Variants in SPATA1 observed in about 807,000 individuals in gnomAD.
SPATA1 encodes spermatogenesis-associated protein 1.
SPATA1 carries 57 observed loss-of-function variants against 59.6 expected under a neutral mutation model. The ratio of observed to expected loss-of-function variants is 0.96; its 90% CI spans 0.77 to 1.19. SPATA1 has a LOEUF of 1.19. SPATA1 is among the 50% of genes most tolerant of loss of function. SPATA1 has a pLI of 0.00. For synonymous variants in SPATA1, 147 were observed against 163.9 expected, an observed-to-expected ratio of 0.90 and a Z score of 0.79; for missense variants, 448 against 480.7, an observed-to-expected ratio of 0.93 and a Z score of 0.64.
At chr1:84,548,749 C>CCT (rs767447873) in intron 10 of SPATA1, 37 bp from the exon 11 acceptor site, 12 of 994,910 alleles carry the variant, frequency 1.2e-5, no homozygotes, top group Non-Finnish European at 1.5e-5. Flanking sequence ...GAAGGCCTTT[C>CCT]CTTTTTTTTT....
downstream of SPATA1, among the ~76,000 whole-genome samples, chr1:84,557,546 A>AG (rs1441099734): frequency 9.3e-4 from 127 of 137,066 alleles, no homozygotes; most frequent in African/African-American, 4.0e-3. Flanking sequence ...AAAAAAAAAA[A>AG]AAAAAAAGAA....
intron 7 of SPATA1, 72 bp from the exon 8 acceptor site, chr1:84,533,637 A>C: frequency 1.7e-6 from 2 of 1,195,218 alleles, no homozygotes; most frequent in Admixed American, 4.5e-5. Flanking sequence ...CAAATAAAAT[A>C]CATAAAATAT....
chr1:84,512,718 CCTT>C (rs1682625771), intron 1 of SPATA1, among the ~76,000 whole-genome samples: 1 of 152,206 alleles, frequency 6.6e-6, no homozygotes, highest in South Asian at 2.1e-4. Context: ...AACAGTTACT[CCTT>C]CTCAAACCCA....
At chr1:84,509,897 C>A (rs1206820389) in intron 1 of SPATA1, among the ~76,000 whole-genome samples, 1 of 151,736 alleles carries the variant, frequency 6.6e-6, no homozygotes, top group Non-Finnish European at 1.5e-5. Context: ...AAGTTAAAAA[C>A]CTGCACAGGG....
chr1:84,545,790 T>C (rs563261583), intron 10 of SPATA1, 31 bp downstream of exon 10: 26 of 1,390,620 alleles, frequency 1.9e-5, no homozygotes, highest in South Asian at 1.3e-4. Context: ...TTTATCACTA[T>C]AAAGAAAACT....
exon 13 of SPATA1, chr1:84,553,244 C>A: frequency 1.7e-6 from 1 of 584,112 alleles, no homozygotes; most frequent in Non-Finnish European, 2.9e-6. Context: ...TCTTTCTCCA[C>A]TTTCCATGTG....
intron 1 of SPATA1, among the ~76,000 whole-genome samples, chr1:84,510,406 G>T (rs769382827): frequency 2.0e-5 from 3 of 152,130 alleles, no homozygotes; most frequent in Admixed American, 6.5e-5. Flanking sequence ...ATATGAAAAG[G>T]TATTCAACAT....
At chr1:84,557,618 G>A (rs1327986620), downstream of SPATA1, among the ~76,000 whole-genome samples, 1 of 151,068 alleles carries the variant, frequency 6.6e-6, no homozygotes, top group Non-Finnish European at 1.5e-5. Context: ...CCCTTTGGGA[G>A]GCCGAGATGG....
intron 4 of SPATA1, among the ~76,000 whole-genome samples, chr1:84,560,398 C>CAAG (rs1684569125): frequency 6.6e-6 from 1 of 152,188 alleles, no homozygotes; most frequent in Admixed American, 6.5e-5. Flanking sequence ...TTTTCCCACT[C>CAAG]AGTCTGTTTG....
chr1:84,539,016 G>A (rs941408207), intron 8 of SPATA1, among the ~76,000 whole-genome samples: 1 of 152,074 alleles, frequency 6.6e-6, no homozygotes, highest in Non-Finnish European at 1.5e-5. Flanking sequence ...GCCCAGGCTG[G>A]TCTCCAACTC....
At chr1:84,526,100 GAA>G (rs1441926182) in intron 6 of SPATA1, 27 bp downstream of exon 6, 1 of 1,562,832 alleles carries the variant, frequency 6.4e-7, no homozygotes, top group Admixed American at 1.9e-5. Flanking sequence ...ATGGGAAAAA[GAA>G]AGAGGCTATT....
intron 6 of SPATA1, 97 bp from the exon 7 acceptor site, chr1:84,532,763 G>A (rs370163369): frequency 8.4e-6 from 6 of 710,310 alleles, no homozygotes; most frequent in African/African-American, 3.6e-5. Flanking sequence ...TGAAATCTAC[G>A]ATAAGATTAT....
downstream of SPATA1, among the ~76,000 whole-genome samples, chr1:84,557,295 G>A (rs895816857): frequency 6.6e-6 from 1 of 152,138 alleles, no homozygotes; most frequent in Admixed American, 6.5e-5. Context: ...CATTTTGGGA[G>A]GCCAAGATGG....
intron 8 of SPATA1, among the ~76,000 whole-genome samples, chr1:84,537,864 C>T (rs1558601379): frequency 6.6e-6 from 1 of 152,180 alleles, no homozygotes. Flanking sequence ...TCCCTGTAGC[C>T]ATTCCCTTAA....
At chr1:84,533,744 T>C (rs963630822) in exon 8 of SPATA1, 2 of 1,566,022 alleles carry the variant, frequency 1.3e-6, no homozygotes, top group Non-Finnish European at 8.7e-7. Flanking sequence ...GATACAGCTA[T>C]CAGTAGAAGA....
intron 10 of SPATA1, among the ~76,000 whole-genome samples, chr1:84,546,274 C>T (rs556665908): frequency 5.3e-5 from 8 of 151,994 alleles, no homozygotes; most frequent in Admixed American, 2.6e-4. Flanking sequence ...GCCAACATGG[C>T]GAAACTCCGT....
intron 6 of SPATA1, among the ~76,000 whole-genome samples, chr1:84,532,181 C>T (rs920959366): frequency 6.6e-6 from 1 of 152,182 alleles, no homozygotes; most frequent in African/African-American, 2.4e-5. Context: ...GTTTCAAAAA[C>T]TGCTTTGGCA....
chr1:84,525,853 A>G, exon 6 of SPATA1: 1 of 1,611,002 alleles, frequency 6.2e-7, no homozygotes, highest in Non-Finnish European at 8.5e-7. Context: ...AGGCTCTTCA[A>G]CCAGAATTAT....
At chr1:84,560,074 ACT>A (rs1459532810) in intron 4 of SPATA1, among the ~76,000 whole-genome samples, 1 of 132,684 alleles carries the variant, frequency 7.5e-6, no homozygotes, top group African/African-American at 3.0e-5. Flanking sequence ...ACAGAGCAAG[ACT>A]CTGTCTCAAA....
Sources: allele counts gnomAD v4.1 joint callset (sites outside exome capture counted in the v4.1 genomes callset), GRCh38; gene constraint gnomAD v4.1.1; transcripts MANE v1.5; gene names NCBI Gene and HGNC (gene_info 2026-07-23, HGNC 2026-07-21).